The following PPP2R2D variants were observed in gnomAD, a reference collection of about 807,000 sequenced individuals.
PPP2R2D encodes the protein serine/threonine-protein phosphatase 2A 55 kDa regulatory subunit B delta isoform.
In PPP2R2D, 9 loss-of-function variants were observed where a neutral mutation model predicts 31.1. That is an observed-to-expected ratio of 0.29 (90% CI 0.17 to 0.51). PPP2R2D has a LOEUF of 0.51. Among genes scored for constraint, PPP2R2D ranks in the 20% least tolerant of loss-of-function variants. The probability of loss-of-function intolerance (pLI) is 0.98; values close to 1 mark genes in which losing one functional copy is unlikely to be tolerated. For missense variants in PPP2R2D, 391 were observed against 465.6 expected, an observed-to-expected ratio of 0.84 and a Z score of 1.48; for synonymous variants, 179 against 172.6, an observed-to-expected ratio of 1.04 and a Z score of -0.29.
At chr10:131,952,578 G>T (rs2036678935) in intron 8 of PPP2R2D, among the ~76,000 whole-genome samples, 1 of 57,150 alleles carries the variant, frequency 1.7e-5, no homozygotes. Flanking sequence ...CTAGTGACTT[G>T]CGGGTGTGCG....
At chr10:131,923,786 A>G (rs1249172308) in intron 2 of PPP2R2D, among the ~76,000 whole-genome samples, 1 of 152,164 alleles carries the variant, frequency 6.6e-6, no homozygotes. Context: ...TTTTAGAGAC[A>G]GGGTCTTGCT....
In PPP2R2D at chr10:131,945,263, C is replaced by T; in HGVS notation, c.656-32C>T. On this transcript the variant is annotated intron_variant, in intron 6 of 8. Coordinates refer to ENST00000455566, the MANE Select transcript of PPP2R2D (RefSeq NM_018461.5). This position sits in a 1 kb window ranked among gnomAD's most constrained non-coding sequence, Gnocchi z 4.8. Reference sequence around the variant, plus strand: ...GTAGACTAATTAACAACCAGCTGAGCTGAGCACTGTGCCTTAACCATGCAC... The same window carrying T: ...GTAGACTAATTAACAACCAGCTGAGTTGAGCACTGTGCCTTAACCATGCAC... The T allele has an allele frequency of 1.3e-6, 2 of 1,597,404 alleles. No individual in the cohort carries two copies. The highest frequency in any genetic ancestry group is 8.5e-7 in the Non-Finnish European group (1 of 1,170,108).
rs12220533 is a variant in PPP2R2D at position 131,959,091 on chromosome 10, G to C, written c.*3128G>C. ...TGGAGATGAAGGCGTGTGCTGATCC[G>C]CCATCCCACTGTGGAGATGAAGGTG... is the stretch of plus-strand genomic sequence containing the variant. On this transcript the variant is annotated 3_prime_UTR_variant, in exon 9 of 9. Coordinates refer to ENST00000455566, the MANE Select transcript of PPP2R2D (RefSeq NM_018461.5). 4.4e-4 allele frequency: 15 copies of C among 33,840 alleles called. No homozygotes were observed. Among genetic ancestry groups the C allele is most frequent in the South Asian group, 8.5e-4 (1 of 1,180 alleles). The allele number at this position is 33,840 out of a possible 1,614,324, so 2.1% of individuals were successfully genotyped here. A position where few individuals can be genotyped will look rare whatever the true frequency, so the allele number is the denominator to read the frequency against.
downstream of PPP2R2D, among the ~76,000 whole-genome samples, chr10:131,961,561 CTG>C (rs1473088749): frequency 6.6e-6 from 1 of 152,216 alleles, no homozygotes; most frequent in Non-Finnish European, 1.5e-5. Flanking sequence ...CTCCGTGCCT[CTG>C]TGCCCCATAC....
At chr10:131,950,406 G>GA (rs1486189608) in intron 8 of PPP2R2D, among the ~76,000 whole-genome samples, 2 of 151,974 alleles carry the variant, frequency 1.3e-5, no homozygotes, top group African/African-American at 2.4e-5. Flanking sequence ...TGCACCCAAG[G>GA]AAAAAACGCA....
intron 3 of PPP2R2D, among the ~76,000 whole-genome samples, chr10:131,937,466 C>T (rs2036364710): frequency 6.6e-6 from 1 of 152,176 alleles, no homozygotes; most frequent in Non-Finnish European, 1.5e-5. Context: ...TGCTCTCCTG[C>T]CCGTGTCCCC....
chr10:131,936,267 G>C (rs182871489), intron 3 of PPP2R2D, among the ~76,000 whole-genome samples: 2 of 151,662 alleles, frequency 1.3e-5, no homozygotes, highest in Non-Finnish European at 2.9e-5. Flanking sequence ...CCCTGACTCA[G>C]CCTCCCAAGT....
downstream of PPP2R2D, among the ~76,000 whole-genome samples, chr10:131,963,301 A>T (rs532357089): frequency 4.6e-5 from 7 of 152,358 alleles, no homozygotes; most frequent in South Asian, 1.4e-3. Flanking sequence ...CCTGGTTCTT[A>T]CTAGAAGTGT....
the PPP2R2D span, chr10:131,970,612 A>C: frequency 2.5e-6 from 4 of 1,610,352 alleles, no homozygotes; most frequent in Non-Finnish European, 3.4e-6. This position sits in a 1 kb window ranked among gnomAD's most constrained non-coding sequence, Gnocchi z 4.1. Context: ...ATGCCATGAC[A>C]GGAGTCACAC....
At chr10:131,914,410 G>C (rs1404616643) in intron 2 of PPP2R2D, among the ~76,000 whole-genome samples, 1 of 152,116 alleles carries the variant, frequency 6.6e-6, no homozygotes, top group Non-Finnish European at 1.5e-5. Flanking sequence ...ATTTTTCCTA[G>C]TCATTTCTGG....
intron 2 of PPP2R2D, among the ~76,000 whole-genome samples, chr10:131,916,258 T>G (rs766078807): frequency 2.0e-5 from 3 of 151,770 alleles, no homozygotes; most frequent in African/African-American, 4.8e-5. Context: ...TGTCAGCAAC[T>G]TAGGGTGGTT....
At chr10:131,933,440 C>G (rs542635988) in intron 2 of PPP2R2D, among the ~76,000 whole-genome samples, 23 of 152,112 alleles carry the variant, frequency 1.5e-4, no homozygotes, top group Non-Finnish European at 2.6e-4. Flanking sequence ...ACTGCGAGCC[C>G]TTGAGTTGGT....
At chr10:131,927,683 C>T (rs1047317912) in intron 2 of PPP2R2D, among the ~76,000 whole-genome samples, 1 of 152,166 alleles carries the variant, frequency 6.6e-6, no homozygotes, top group South Asian at 2.1e-4. Context: ...TGGCATCGCA[C>T]ATCGGACACC....
the PPP2R2D span, chr10:131,971,020 G>A: frequency 5.8e-5 from 89 of 1,546,920 alleles, no homozygotes; most frequent in Non-Finnish European, 6.6e-5. Context: ...CACGTGACAC[G>A]GGAAAGCACC....
chr10:131,909,906 A>G (rs1387549620), intron 2 of PPP2R2D, among the ~76,000 whole-genome samples: 6 of 152,248 alleles, frequency 3.9e-5, no homozygotes, highest in Non-Finnish European at 7.3e-5. Flanking sequence ...TTCAAAAACA[A>G]AAAGATTAAG....
At chr10:131,902,768 A>T (rs1229832483) in intron 2 of PPP2R2D, among the ~76,000 whole-genome samples, 1 of 152,054 alleles carries the variant, frequency 6.6e-6, no homozygotes, top group Non-Finnish European at 1.5e-5. Flanking sequence ...TGTTTTTTGG[A>T]GACAGGGTCT....
chr10:131,942,059 C>T (rs1554897323), intron 5 of PPP2R2D, among the ~76,000 whole-genome samples: 1 of 152,198 alleles, frequency 6.6e-6, no homozygotes. Context: ...CATGAAACTG[C>T]TGATCCTAAA....
Position 131,944,333 on chromosome 10 carries a change from C to T in PPP2R2D, c.655+188C>T, listed in dbSNP as rs74162812. Among the ~76,000 whole-genome samples, 1,075 of 152,302 alleles carry T rather than the reference C, an allele frequency of 7.1e-3. 9 individuals are homozygous for T. The highest frequency in any genetic ancestry group is 0.024 in the African/African-American group (992 of 41,564). ...CCTAAAAATACAAATTTCTTTCTAC[C>T]TTTGGGAAAAAGTTATCTGTATAAT... On this transcript the variant is annotated intron_variant, in intron 6 of 8. Transcript: ENST00000455566.
In PPP2R2D at chr10:131,944,039, A is replaced by T. The variant is rs372746281; in HGVS notation, c.549A>T (p.Thr183=). The T allele has an allele frequency of 6.4e-7, 1 of 1,574,486 alleles. No homozygotes were observed. The highest frequency in any genetic ancestry group is 1.3e-5 in the African/African-American group (1 of 74,142). ...GGCGAATTTTTGCAAATGCTCACAC[A>T]TATCATATAAATTCCATTTCAGTAA... is the stretch of plus-strand genomic sequence containing the variant. ...SPRRIFANAH[T]YHINSISVNS... is the part of the protein sequence containing the mutation. Residue 183 remains threonine, a synonymous_variant, in exon 6 of 9, where the codon ACA becomes ACT. Coordinates refer to ENST00000455566, the MANE Select transcript of PPP2R2D (RefSeq NM_018461.5).
Sources: gnomAD v4.1 joint callset for allele counts (sites outside exome capture counted in the v4.1 genomes callset) on GRCh38, gnomAD v4.1.1 for gene constraint, Gnocchi (gnomAD v3.1) non-coding constraint, MANE v1.5 for transcripts, NCBI Gene and HGNC (gene_info 2026-07-23, HGNC 2026-07-21) for gene names.